FAM117B: variants seen among roughly 807,000 people sequenced by gnomAD.
FAM117B encodes protein FAM117B.
Under a neutral mutation model 52.8 loss-of-function variants are expected in FAM117B, and 22 were observed. The observed-to-expected ratio is 0.42, with a 90% CI of 0.30 to 0.59. The LOEUF is 0.59. FAM117B is among the 20% of genes least tolerant of loss of function. FAM117B has a pLI of 0.22. For synonymous variants in FAM117B, 309 were observed against 324.1 expected (o/e 0.95, Z 0.50); for missense variants, 678 against 802.6 (o/e 0.84, Z 1.88).
chr2:202,668,463 G>A (rs1331400267), intron 1 of FAM117B, among the ~76,000 whole-genome samples: 2 of 143,414 alleles, frequency 1.4e-5, no homozygotes, highest in Non-Finnish European at 3.0e-5. Flanking sequence ...GAGAAGTGGA[G>A]GTTGCAGTGA....
chr2:202,714,518 A>G (rs1691008020), intron 2 of FAM117B, among the ~76,000 whole-genome samples: 1 of 129,712 alleles, frequency 7.7e-6, no homozygotes, highest in South Asian at 2.3e-4. Context: ...TACAGTTGTT[A>G]TATCTTTTTT....
intron 1 of FAM117B, among the ~76,000 whole-genome samples, chr2:202,663,214 G>A (rs1382740491): frequency 4.6e-5 from 7 of 152,160 alleles, no homozygotes; most frequent in Non-Finnish European, 1.0e-4. Context: ...TATAAACAGT[G>A]CACAGAACGT....
At chr2:202,697,148 T>C (rs1690723412) in intron 2 of FAM117B, among the ~76,000 whole-genome samples, 2 of 152,184 alleles carry the variant, frequency 1.3e-5, no homozygotes, top group Non-Finnish European at 2.9e-5. Flanking sequence ...AGGTCTAAGA[T>C]CATACAGCCA....
chr2:202,645,940 G>C (rs974101753), intron 1 of FAM117B, among the ~76,000 whole-genome samples: 1 of 151,824 alleles, frequency 6.6e-6, no homozygotes, highest in Admixed American at 6.6e-5. Flanking sequence ...TCGTTTTATT[G>C]ATTTTTACAT....
intron 1 of FAM117B, among the ~76,000 whole-genome samples, chr2:202,644,262 A>G (rs2105753114): frequency 6.6e-6 from 1 of 152,086 alleles, no homozygotes; most frequent in Non-Finnish European, 1.5e-5. Context: ...TACTACAGTT[A>G]TATTTTCTTT....
intron 1 of FAM117B, among the ~76,000 whole-genome samples, chr2:202,673,754 A>G (rs886755030): frequency 6.6e-6 from 1 of 151,578 alleles, no homozygotes; most frequent in African/African-American, 2.4e-5. Flanking sequence ...GGCCTACCCT[A>G]TTTCTTATGG....
intron 2 of FAM117B, among the ~76,000 whole-genome samples, chr2:202,715,135 G>A (rs541309455): frequency 1.1e-3 from 157 of 139,898 alleles, no homozygotes; most frequent in Admixed American, 4.2e-3. Context: ...CCCACCTCCC[G>A]GACGGGGCGG....
chr2:202,687,644 C>G (rs1177687005), intron 1 of FAM117B, among the ~76,000 whole-genome samples: 1 of 152,206 alleles, frequency 6.6e-6, no homozygotes, highest in Admixed American at 6.5e-5. Flanking sequence ...CTCCTAGCCA[C>G]AAGTGATCCT....
chr2:202,649,664 G>A (rs1159190444), intron 1 of FAM117B, among the ~76,000 whole-genome samples: 1 of 151,944 alleles, frequency 6.6e-6, no homozygotes. Context: ...TGATTCTCCT[G>A]TCTCAGCCTC....
chr2:202,764,322 T>C (rs961771728), intron 7 of FAM117B, among the ~76,000 whole-genome samples: 1 of 152,098 alleles, frequency 6.6e-6, no homozygotes, highest in Non-Finnish European at 1.5e-5. Context: ...TGGAGTGCAG[T>C]GGCCCGATTA....
chr2:202,732,038 T>C (rs1691360084), intron 4 of FAM117B, among the ~76,000 whole-genome samples: 1 of 151,492 alleles, frequency 6.6e-6, no homozygotes, highest in African/African-American at 2.4e-5. Context: ...CCCAGCCTAT[T>C]TATTTTTCTT....
chr2:202,709,019 T>TGAA (rs1264730730), intron 2 of FAM117B, among the ~76,000 whole-genome samples: 1 of 152,194 alleles, frequency 6.6e-6, no homozygotes, highest in Non-Finnish European at 1.5e-5. Flanking sequence ...TACCAACACT[T>TGAA]GGCTTTTTGG....
intron 1 of FAM117B, among the ~76,000 whole-genome samples, chr2:202,654,841 T>C (rs906225795): frequency 1.3e-5 from 2 of 152,160 alleles, no homozygotes; most frequent in African/African-American, 4.8e-5. Flanking sequence ...TATAAACTTC[T>C]AGTGGGCATT....
At chr2:202,639,926 T>G (rs1035390940) in intron 1 of FAM117B, among the ~76,000 whole-genome samples, 2 of 152,172 alleles carry the variant, frequency 1.3e-5, no homozygotes, top group Non-Finnish European at 2.9e-5. Flanking sequence ...TTTCTCAAAG[T>G]GTAGTCTGTG....
intron 7 of FAM117B, among the ~76,000 whole-genome samples, chr2:202,760,137 G>C (rs947074331): frequency 5.9e-5 from 9 of 152,216 alleles, no homozygotes; most frequent in Non-Finnish European, 1.3e-4. Context: ...ACCACAGTAC[G>C]ATTATCTTAG....
chr2:202,682,372 A>G (rs1467987912), intron 1 of FAM117B, among the ~76,000 whole-genome samples: 1 of 152,112 alleles, frequency 6.6e-6, no homozygotes. Flanking sequence ...ACCCTACCCT[A>G]GATGGTGTCT....
intron 7 of FAM117B, among the ~76,000 whole-genome samples, chr2:202,760,469 T>C (rs534388167): frequency 4.6e-5 from 7 of 152,322 alleles, no homozygotes; most frequent in African/African-American, 1.7e-4. Context: ...CTGCCTCCCC[T>C]CTTTGTCTTC....
At chr2:202,640,510 G>T (rs1386378753) in intron 1 of FAM117B, among the ~76,000 whole-genome samples, 1 of 151,100 alleles carries the variant, frequency 6.6e-6, no homozygotes, top group Non-Finnish European at 1.5e-5. Flanking sequence ...TTATATTTGT[G>T]TCATCTTTGA....
intron 1 of FAM117B, among the ~76,000 whole-genome samples, chr2:202,644,936 G>A (rs1289807357): frequency 6.6e-6 from 1 of 151,760 alleles, no homozygotes; most frequent in African/African-American, 2.4e-5. Context: ...TTACTCTGTG[G>A]GCTTTTTCAG....
Sources: gnomAD v4.1 joint callset for allele counts (sites outside exome capture counted in the v4.1 genomes callset) on GRCh38, gnomAD v4.1.1 for gene constraint, MANE v1.5 for transcripts, NCBI Gene and HGNC (gene_info 2026-07-23, HGNC 2026-07-21) for gene names.